The following SAMD12 variants were observed in gnomAD, a reference collection of about 807,000 sequenced individuals.
SAMD12 encodes sterile alpha motif domain-containing protein 12.
SAMD12 carries 9 observed loss-of-function variants against 15.0 expected under a neutral mutation model. The ratio of observed to expected loss-of-function variants is 0.60; its 90% CI spans 0.36 to 1.05. The LOEUF is 1.05. Among genes scored for constraint, SAMD12 ranks in the 50% least tolerant of loss-of-function variants. SAMD12 has a pLI of 0.01. For synonymous variants in SAMD12, 86 were observed against 90.1 expected (o/e 0.96, Z 0.25); for missense variants, 230 against 234.2 (o/e 0.98, Z 0.12).
chr8:118,560,446 A>T (rs1826670948), intron 2 of SAMD12, among the ~76,000 whole-genome samples: 4 of 152,170 alleles, frequency 2.6e-5, no homozygotes, highest in Admixed American at 2.6e-4. Flanking sequence ...ACCCATTTGG[A>T]TTTACTAAGA....
intron 4 of SAMD12, among the ~76,000 whole-genome samples, chr8:118,370,532 C>T (rs1173673534): frequency 6.6e-6 from 1 of 152,098 alleles, no homozygotes; most frequent in Non-Finnish European, 1.5e-5. Context: ...ATGGAGTCAA[C>T]CCAAACGTCA....
At chr8:118,413,555 T>C (rs541856214) in intron 3 of SAMD12, among the ~76,000 whole-genome samples, 5 of 152,306 alleles carry the variant, frequency 3.3e-5, no homozygotes, top group Admixed American at 2.6e-4. Flanking sequence ...TGGATTCTTA[T>C]AGAATTCATT....
chr8:118,517,335 G>A (rs954729632), intron 2 of SAMD12, among the ~76,000 whole-genome samples: 4 of 152,228 alleles, frequency 2.6e-5, no homozygotes, highest in African/African-American at 4.8e-5. Flanking sequence ...CTGCTTAACC[G>A]GGAAAATTAT....
intron 1 of SAMD12, among the ~76,000 whole-genome samples, chr8:118,605,157 C>G (rs886119916): frequency 9.9e-5 from 15 of 152,050 alleles, no homozygotes; most frequent in Non-Finnish European, 2.9e-5. Flanking sequence ...AAGTCTCTAG[C>G]CTTGACAACG....
intron 2 of SAMD12, among the ~76,000 whole-genome samples, chr8:118,510,593 C>T (rs1825051843): frequency 6.6e-6 from 1 of 152,152 alleles, no homozygotes; most frequent in Admixed American, 6.5e-5. Flanking sequence ...GAAGGCAACA[C>T]CCTCCCCCAG....
chr8:118,551,286 C>G (rs1826325972), intron 2 of SAMD12, among the ~76,000 whole-genome samples: 1 of 150,736 alleles, frequency 6.6e-6, no homozygotes, highest in South Asian at 2.1e-4. Context: ...GTAAAGCTCT[C>G]CTCAGCAAAT....
intron 2 of SAMD12, among the ~76,000 whole-genome samples, chr8:118,516,002 A>C (rs1408151759): frequency 6.6e-6 from 1 of 152,206 alleles, no homozygotes; most frequent in Non-Finnish European, 1.5e-5. Flanking sequence ...TGCTCTCCTA[A>C]AGGGTAAGCC....
chr8:118,589,588 T>C (rs1260117624), intron 1 of SAMD12, among the ~76,000 whole-genome samples: 1 of 152,230 alleles, frequency 6.6e-6, no homozygotes, highest in Non-Finnish European at 1.5e-5. Flanking sequence ...GGCATGAATA[T>C]TAACTCTTCT....
chr8:118,543,079 G>T (rs992281356), intron 2 of SAMD12, among the ~76,000 whole-genome samples: 3 of 152,170 alleles, frequency 2.0e-5, no homozygotes, highest in Non-Finnish European at 4.4e-5. Flanking sequence ...CACTAAAAAT[G>T]AAGGAAAAGG....
chr8:118,559,619 T>A (rs1239672167), intron 2 of SAMD12, among the ~76,000 whole-genome samples: 1 of 152,206 alleles, frequency 6.6e-6, no homozygotes, highest in Non-Finnish European at 1.5e-5. Flanking sequence ...GGTGGGGACA[T>A]ATGTGACATG....
At chr8:118,222,650 T>C (rs1365131622) in intron 4 of SAMD12, among the ~76,000 whole-genome samples, 5 of 151,940 alleles carry the variant, frequency 3.3e-5, no homozygotes, top group African/African-American at 1.2e-4. Flanking sequence ...GGATTACAGG[T>C]GTGTGCCATC....
chr8:118,426,806 CGTG>C (rs1563853234), intron 3 of SAMD12, among the ~76,000 whole-genome samples: 1 of 152,062 alleles, frequency 6.6e-6, no homozygotes, highest in African/African-American at 2.4e-5. Flanking sequence ...ATTTTGAAAT[CGTG>C]AGTATTTTGT....
At chr8:118,187,191 G>C (rs1354784063), downstream of SAMD12, among the ~76,000 whole-genome samples, 2 of 152,134 alleles carry the variant, frequency 1.3e-5, no homozygotes, top group Non-Finnish European at 2.9e-5. Flanking sequence ...TCATGATCTA[G>C]TCCCACTTTG....
chr8:118,573,305 C>T (rs954701936), intron 2 of SAMD12, among the ~76,000 whole-genome samples: 5 of 152,060 alleles, frequency 3.3e-5, no homozygotes, highest in East Asian at 3.9e-4. Flanking sequence ...ATGCTGGTCT[C>T]GAACTCCTGA....
intron 2 of SAMD12, among the ~76,000 whole-genome samples, chr8:118,486,096 T>G (rs1446285057): frequency 6.6e-6 from 1 of 152,180 alleles, no homozygotes; most frequent in Non-Finnish European, 1.5e-5. Flanking sequence ...GAAATTCTCT[T>G]GTTACTGGGG....
At position 118,439,702 on chromosome 8, in the gene SAMD12, C is replaced by G. The variant is rs1586718159; in HGVS notation, c.322+130G>C. ...CTCACATGGATCTGGAATTTATCAC[C>G]CCTTTGGAAGTAAACCCATGCCAGA... is the stretch of plus-strand genomic sequence containing the variant. On this transcript the variant is annotated intron_variant, in intron 3 of 3. Coordinates refer to ENST00000314727, the MANE Select transcript of SAMD12 (RefSeq NM_207506.3). 5.0e-6 allele frequency: 4 copies of G among 792,352 alleles called. No individual in the cohort carries two copies. In the East Asian group the frequency reaches 7.5e-5, roughly 15 times the overall value. 49.1% of individuals were successfully genotyped at this position (792,352 alleles called of 1,614,324 possible).
chr8:118,489,754 C>T (rs1402124130), intron 2 of SAMD12, among the ~76,000 whole-genome samples: 1 of 152,116 alleles, frequency 6.6e-6, no homozygotes, highest in Non-Finnish European at 1.5e-5. Flanking sequence ...CTGTTCTAAG[C>T]CCAGTTGTTA....
chr8:118,398,044 C>G (rs1268711251), intron 3 of SAMD12, among the ~76,000 whole-genome samples: 1 of 152,220 alleles, frequency 6.6e-6, no homozygotes, highest in Non-Finnish European at 1.5e-5. Context: ...CTGCCTCGGG[C>G]TCCCAAAGTG....
intron 4 of SAMD12, among the ~76,000 whole-genome samples, chr8:118,366,961 T>A (rs1818836307): frequency 6.6e-6 from 1 of 151,586 alleles, no homozygotes; most frequent in Admixed American, 6.6e-5. Flanking sequence ...GGAAGTATTA[T>A]TTCAGAGAAG....
Sources: gnomAD v4.1 joint callset for allele counts (sites outside exome capture counted in the v4.1 genomes callset) on GRCh38, gnomAD v4.1.1 for gene constraint, MANE v1.5 for transcripts, NCBI Gene and HGNC (gene_info 2026-07-23, HGNC 2026-07-21) for gene names.